DIS3L2: variants seen among roughly 807,000 people sequenced by gnomAD.
DIS3L2 encodes DIS3 like 3'-5' exoribonuclease 2.
DIS3L2 carries 34 observed loss-of-function variants against 97.5 expected under a neutral mutation model. The observed-to-expected ratio is 0.35, with a 90% CI of 0.27 to 0.46. The LOEUF (loss-of-function observed/expected upper bound fraction) is 0.46, where lower values mean the gene tolerates loss of function less well. Among genes scored for constraint, DIS3L2 ranks in the 20% least tolerant of loss-of-function variants. The pLI is 1.00. For synonymous variants in DIS3L2, 435 were observed against 445.2 expected (o/e 0.98, Z 0.29); for missense variants, 1,038 against 1,146.0 (o/e 0.91, Z 1.36).
intron 3 of DIS3L2, among the ~76,000 whole-genome samples, chr2:232,016,543 G>C (rs1451405786): frequency 6.6e-6 from 1 of 152,110 alleles, no homozygotes; most frequent in Non-Finnish European, 1.5e-5. Flanking sequence ...AGGTATTGAG[G>C]GTCTAGTTTG....
intron 6 of DIS3L2, among the ~76,000 whole-genome samples, chr2:232,128,325 ATTTCT>A (rs887576303): frequency 7.2e-5 from 11 of 151,952 alleles, no homozygotes; most frequent in Non-Finnish European, 1.6e-4. Context: ...CTGGGATCAT[ATTTCT>A]TTTAACACTG....
intron 1 of DIS3L2, among the ~76,000 whole-genome samples, chr2:231,996,122 A>G (rs1693724241): frequency 6.6e-6 from 1 of 152,250 alleles, no homozygotes; most frequent in Non-Finnish European, 1.5e-5. Context: ...CAAGACTGAA[A>G]ATTGACAGTG....
At chr2:232,304,317 T>G (rs1320054414) in intron 14 of DIS3L2, among the ~76,000 whole-genome samples, 1 of 152,168 alleles carries the variant, frequency 6.6e-6, no homozygotes, top group Non-Finnish European at 1.5e-5. Flanking sequence ...AATAAGTGAT[T>G]TGTGAGAATT....
At chr2:232,038,046 A>G (rs1385566508) in intron 5 of DIS3L2, among the ~76,000 whole-genome samples, 1 of 151,914 alleles carries the variant, frequency 6.6e-6, no homozygotes, top group African/African-American at 2.4e-5. Flanking sequence ...GTTCAGATCC[A>G]CCTCCCAGCT....
At chr2:232,338,547 C>T (rs1359608215), downstream of DIS3L2, among the ~76,000 whole-genome samples, 2 of 151,642 alleles carry the variant, frequency 1.3e-5, no homozygotes, top group African/African-American at 4.8e-5. Flanking sequence ...ACCGTATCCA[C>T]GAGGGTCAGG....
intron 6 of DIS3L2, among the ~76,000 whole-genome samples, chr2:232,109,174 G>A (rs994823236): frequency 2.0e-5 from 3 of 152,124 alleles, no homozygotes; most frequent in Non-Finnish European, 2.9e-5. Context: ...GGGGCCAGGC[G>A]GTGGCTCATG....
In DIS3L2 at chr2:232,306,067, C is replaced by T. The variant is rs959591371; in HGVS notation, c.1739+5948C>T. On this transcript the variant is annotated intron_variant, in intron 14 of 20. Transcript: ENST00000325385. ...ACTTTTGCATATGTTCTGCCAAGACCCAGGGAGGTTCATAGGTCCTGCTAG... is the reference window on the plus strand; with the variant it reads ...ACTTTTGCATATGTTCTGCCAAGACTCAGGGAGGTTCATAGGTCCTGCTAG... Among the ~76,000 whole-genome samples, 11 of 152,272 alleles carry T rather than the reference C, an allele frequency of 7.2e-5. No homozygotes were observed. The South Asian group carries it at 1.7e-3, about 23-fold the overall frequency.
In DIS3L2 at chr2:231,997,443, T is replaced by C. The variant is rs1693761040; in HGVS notation, c.-93-17392T>C. On this transcript the variant is annotated intron_variant, in intron 1 of 20. Transcript: ENST00000325385. ...AGATCACTTTATTTGAGCTTGCAGC[T>C]AATAAATCTGTTTTGGCTCATATGA... 3.3e-5 allele frequency among the ~76,000 whole-genome samples: 5 copies of C among 152,390 alleles called. No homozygotes were observed. In the South Asian group the frequency reaches 1.0e-3, roughly 32 times the overall value.
chr2:232,201,589 A>G (rs1691894681), intron 9 of DIS3L2, among the ~76,000 whole-genome samples: 1 of 152,276 alleles, frequency 6.6e-6, no homozygotes, highest in Non-Finnish European at 1.5e-5. Flanking sequence ...GAGGAAAACT[A>G]AAAGCAAAAG....
intron 13 of DIS3L2, among the ~76,000 whole-genome samples, chr2:232,270,914 CT>C (rs1388027677): frequency 7.4e-5 from 8 of 107,788 alleles, no homozygotes; most frequent in African/African-American, 2.4e-4. Context: ...CTCTCTCTCT[CT>C]GTCTCGTCTC....
chr2:231,993,076 T>G (rs1043832061), intron 1 of DIS3L2, among the ~76,000 whole-genome samples: 1 of 152,228 alleles, frequency 6.6e-6, no homozygotes, highest in African/African-American at 2.4e-5. Context: ...TCAGAGCTCC[T>G]GACTTTTGTG....
chr2:232,263,536 C>A, intron 13 of DIS3L2, 96 bp downstream of exon 13: 1 of 1,194,492 alleles, frequency 8.4e-7, no homozygotes, highest in Non-Finnish European at 1.2e-6. Flanking sequence ...CTCTTCCTTC[C>A]TTCTCTTTGC....
intron 13 of DIS3L2, among the ~76,000 whole-genome samples, chr2:232,264,121 C>T (rs1482200581): frequency 6.6e-6 from 1 of 152,184 alleles, no homozygotes; most frequent in Non-Finnish European, 1.5e-5. Flanking sequence ...AACATGTAGC[C>T]TAGATCCCTT....
intron 8 of DIS3L2, among the ~76,000 whole-genome samples, chr2:232,155,282 A>C (rs1000347722): frequency 6.6e-6 from 1 of 152,100 alleles, no homozygotes; most frequent in African/African-American, 2.4e-5. Flanking sequence ...TGTTTTAACA[A>C]CTAATATCAG....
At chr2:232,149,247 G>A (rs916233361) in intron 8 of DIS3L2, among the ~76,000 whole-genome samples, 2 of 145,154 alleles carry the variant, frequency 1.4e-5, no homozygotes, top group African/African-American at 5.2e-5. Context: ...TGCACATTGT[G>A]CAGGTTAGTT....
At chr2:232,194,625 G>A (rs1691699477) in intron 9 of DIS3L2, among the ~76,000 whole-genome samples, 1 of 152,216 alleles carries the variant, frequency 6.6e-6, no homozygotes. Context: ...TGTCCTAATA[G>A]CCAAGTGGTA....
chr2:232,134,119 G>C (rs981764098), intron 7 of DIS3L2, among the ~76,000 whole-genome samples: 1 of 152,046 alleles, frequency 6.6e-6, no homozygotes, highest in African/African-American at 2.4e-5. Context: ...TGAACTTGAG[G>C]AGATCAGTAG....
chr2:232,329,802 A>ACCCCCCCCC lies in DIS3L2; in HGVS notation c.1740-8_1740-7insCCCCCCCCC. On this transcript the variant is annotated splice_polypyrimidine_tract_variant and intron_variant, in intron 14 of 20. Coordinates refer to ENST00000325385, the MANE Select transcript of DIS3L2 (RefSeq NM_152383.5). The stretch of plus-strand genomic sequence containing the variant: ...CCCAGCGGTCCCTCCCATCCCACCC[A>ACCCCCCCCC]CCCTCTGCAGGCTCGTGGAGGAGTT... 1 of 164,732 alleles carries ACCCCCCCCC rather than the reference A, an allele frequency of 6.1e-6. No homozygotes were observed. The highest frequency in any genetic ancestry group is 1.1e-5 in the Non-Finnish European group (1 of 91,860). 10.2% of individuals were successfully genotyped at this position (164,732 alleles called of 1,614,324 possible).
At chr2:231,966,897 G>A (rs1363657564) in intron 1 of DIS3L2, among the ~76,000 whole-genome samples, 3 of 151,942 alleles carry the variant, frequency 2.0e-5, no homozygotes, top group South Asian at 2.1e-4. Context: ...AGGGTTTTTC[G>A]TATAGAAGGT....
Sources: gnomAD v4.1 joint callset for allele counts (sites outside exome capture counted in the v4.1 genomes callset) on GRCh38, gnomAD v4.1.1 for gene constraint, MANE v1.5 for transcripts, NCBI Gene and HGNC (gene_info 2026-07-23, HGNC 2026-07-21) for gene names.